Variants in UNC13C observed in about 807,000 individuals in gnomAD.
UNC13C encodes unc-13 homolog C, also known as protein unc-13 homolog C.
A neutral mutation model predicts 245.4 loss-of-function variants in UNC13C; 174 were observed. The observed-to-expected ratio is 0.71, with a 90% CI of 0.63 to 0.80. The LOEUF is 0.80. Among genes scored for constraint, UNC13C ranks in the 30% least tolerant of loss-of-function variants. UNC13C has a pLI of 0.00. For synonymous variants in UNC13C, 992 were observed against 895.1 expected (o/e 1.11, Z -1.93); for missense variants, 2,829 against 2,602.9 (o/e 1.09, Z -1.89).
At chr15:54,100,037 T>G (rs911684202) in intron 2 of UNC13C, among the ~76,000 whole-genome samples, 3 of 148,050 alleles carry the variant, frequency 2.0e-5, no homozygotes, top group African/African-American at 5.0e-5. Flanking sequence ...GAGGCAGAGG[T>G]TGCAGTCAGC....
chr15:54,326,752 G>T (rs1324233848), intron 14 of UNC13C, among the ~76,000 whole-genome samples: 3 of 151,984 alleles, frequency 2.0e-5, no homozygotes, highest in Non-Finnish European at 2.9e-5. Context: ...TGCAAGGGAA[G>T]TCTCAGGTCC....
chr15:53,855,089 C>T, the UNC13C span, among the ~76,000 whole-genome samples: 1 of 151,982 alleles, frequency 6.6e-6, no homozygotes, highest in African/African-American at 2.4e-5. Context: ...TGATTTGGCT[C>T]TCTGATTGAC....
chr15:54,229,069 CCTT>C (rs2035476393), intron 4 of UNC13C, among the ~76,000 whole-genome samples: 1 of 152,146 alleles, frequency 6.6e-6, no homozygotes, highest in South Asian at 2.1e-4. Context: ...TGTAAATGCT[CCTT>C]CTGTGGGCAC....
At chr15:54,311,137 A>G (rs1268427222) in intron 13 of UNC13C, among the ~76,000 whole-genome samples, 1 of 151,740 alleles carries the variant, frequency 6.6e-6, no homozygotes, top group Admixed American at 6.6e-5. Flanking sequence ...TAATGACCTG[A>G]AAATTCTGTT....
At chr15:54,321,482 T>A in intron 13 of UNC13C, 1 of 484,910 alleles carries the variant, frequency 2.1e-6, no homozygotes, top group South Asian at 1.5e-5. Context: ...ATCCACCTCC[T>A]CCACAGTGGC....
At chr15:54,202,047 A>G (rs142737276) in intron 4 of UNC13C, among the ~76,000 whole-genome samples, 14 of 150,958 alleles carry the variant, frequency 9.3e-5, no homozygotes, top group Admixed American at 4.0e-4. Flanking sequence ...CAAATCAAGA[A>G]CTCAACCCCT....
intron 19 of UNC13C, among the ~76,000 whole-genome samples, chr15:54,489,695 T>A (rs1047044706): frequency 6.6e-6 from 1 of 152,100 alleles, no homozygotes; most frequent in Non-Finnish European, 1.5e-5. Flanking sequence ...AAGGACATAG[T>A]TTGGTAACCA....
At chr15:54,325,585 G>A (rs191617158) in intron 14 of UNC13C, among the ~76,000 whole-genome samples, 10 of 151,452 alleles carry the variant, frequency 6.6e-5, no homozygotes, top group African/African-American at 1.9e-4. Flanking sequence ...GACAGGCCCC[G>A]GTGTGTGATG....
At chr15:54,259,703 C>G (rs1555439608) in intron 8 of UNC13C, among the ~76,000 whole-genome samples, 2 of 152,052 alleles carry the variant, frequency 1.3e-5, no homozygotes, top group Non-Finnish European at 2.9e-5. Context: ...AAGTGATACT[C>G]TTTATATATT....
intron 18 of UNC13C, among the ~76,000 whole-genome samples, chr15:54,409,805 T>C (rs1401560904): frequency 6.6e-6 from 1 of 152,168 alleles, no homozygotes; most frequent in Non-Finnish European, 1.5e-5. Flanking sequence ...TTGAATTCTA[T>C]GTCTTTGTTA....
intron 2 of UNC13C, among the ~76,000 whole-genome samples, chr15:54,117,745 A>G (rs1471994295): frequency 1.3e-5 from 2 of 151,622 alleles, no homozygotes; most frequent in Non-Finnish European, 2.9e-5. Context: ...TAGTGCAGCT[A>G]TTTTTTGCAT....
the UNC13C span, among the ~76,000 whole-genome samples, chr15:53,869,814 C>G: frequency 6.6e-6 from 1 of 152,098 alleles, no homozygotes; most frequent in Admixed American, 6.6e-5. Context: ...GGTAATTGAC[C>G]CAGTTGCTAA....
chr15:53,936,909 G>A, the UNC13C span, among the ~76,000 whole-genome samples: 1 of 152,138 alleles, frequency 6.6e-6, no homozygotes. Context: ...AGGTGGATAA[G>A]CCCACAAAGA....
At chr15:53,963,623 T>A in the UNC13C span, among the ~76,000 whole-genome samples, 2 of 152,140 alleles carry the variant, frequency 1.3e-5, no homozygotes, top group East Asian at 3.9e-4. Context: ...TGGGAAACAG[T>A]AGACACTGAA....
intron 32 of UNC13C, among the ~76,000 whole-genome samples, chr15:54,625,518 C>T (rs1355936395): frequency 2.0e-5 from 3 of 152,116 alleles, no homozygotes; most frequent in African/African-American, 4.8e-5. Flanking sequence ...CTGTCAGACT[C>T]TCAAGAGATG....
the UNC13C span, among the ~76,000 whole-genome samples, chr15:53,855,636 G>A: frequency 6.6e-6 from 1 of 152,166 alleles, no homozygotes; most frequent in African/African-American, 2.4e-5. Flanking sequence ...TTGCACCCTA[G>A]GAATGAATGA....
chr15:54,404,373 A>G (rs2040251090), intron 18 of UNC13C, among the ~76,000 whole-genome samples: 1 of 152,184 alleles, frequency 6.6e-6, no homozygotes, highest in African/African-American at 2.4e-5. Context: ...TTGCAAGATA[A>G]TAAATTGGAT....
intron 4 of UNC13C, among the ~76,000 whole-genome samples, chr15:54,191,972 G>A (rs1403984529): frequency 6.6e-6 from 1 of 152,072 alleles, no homozygotes; most frequent in East Asian, 1.9e-4. Context: ...TGGATAGATT[G>A]CAAAAATTTT....
At chr15:54,392,728 A>G (rs1288257289) in intron 17 of UNC13C, among the ~76,000 whole-genome samples, 1 of 151,454 alleles carries the variant, frequency 6.6e-6, no homozygotes, top group African/African-American at 2.4e-5. Flanking sequence ...TCTAATAATA[A>G]TAATTCTTAA....
Sources: allele counts gnomAD v4.1 joint callset (sites outside exome capture counted in the v4.1 genomes callset), GRCh38; gene constraint gnomAD v4.1.1; transcripts MANE v1.5; gene names NCBI Gene and HGNC (gene_info 2026-07-23, HGNC 2026-07-21).